WFS1: variants seen among roughly 807,000 people sequenced by gnomAD.
WFS1 encodes wolframin ER transmembrane glycoprotein.
A neutral mutation model predicts 68.5 loss-of-function variants in WFS1; 90 were observed. That is an observed-to-expected ratio of 1.31 (90% CI 1.11 to 1.56). WFS1 has a LOEUF of 1.56. WFS1 is among the 40% of genes most tolerant of loss of function. WFS1 has a pLI of 0.00. For synonymous variants in WFS1, 860 were observed against 540.7 expected, an observed-to-expected ratio of 1.59 and a Z score of -8.19; for missense variants, 1,767 against 1,232.6, an observed-to-expected ratio of 1.43 and a Z score of -6.49.
chr4:6,273,897 A>T (rs552906041), intron 1 of WFS1, among the ~76,000 whole-genome samples: 3 of 152,236 alleles, frequency 2.0e-5, no homozygotes, highest in African/African-American at 7.2e-5. Context: ...TTTACTTTAA[A>T]CAGTTTTTTT....
chr4:6,274,614 G>C (rs114998580), intron 1 of WFS1, among the ~76,000 whole-genome samples: 1 of 152,074 alleles, frequency 6.6e-6, no homozygotes, highest in African/African-American at 2.4e-5. Flanking sequence ...ACAGGGACTC[G>C]GGACAGACAT....
At position 6,302,174 on chromosome 4, in the gene WFS1, C is replaced by T. The variant is rs563113081; in HGVS notation, c.2379C>T (p.Arg793=). Residue 793 remains arginine, a synonymous_variant, in exon 8 of 8, where the codon CGC becomes CGT. Coordinates refer to ENST00000226760, the MANE Select transcript of WFS1 (RefSeq NM_006005.3). ...FSSGADGSRS[R]EEDDVTKDIV... ...GCGGCGCTGACGGCTCGCGCAGCCG[C>T]GAGGAGGACGACGTCACCAAGGACA... The T allele has an allele frequency of 2.1e-5, 34 of 1,612,620 alleles. No homozygotes were observed. The highest frequency in any genetic ancestry group is 3.3e-4 in the Middle Eastern group (2 of 6,060).
Position 6,300,943 on chromosome 4 carries a change from G to T in WFS1, c.1148G>T (p.Arg383Leu), listed in dbSNP as rs369450642. Reference protein sequence around the residue: ...NFRTLTDLLLRFEPNLDVEQA... With the variant: ...NFRTLTDLLLLFEPNLDVEQA... ...CGCACCCTCACCGACCTGCTGCTGC[G>T]CTTCGAGCCCAACCTGGATGTGGAG... The change falls in exon 8 of 8, where the codon CGC becomes CTC. Residue 383 changes from arginine (R) to leucine (L), a missense_variant. Arg to Leu is a moderately radical substitution (Grantham distance 102). Transcript: ENST00000226760. 3 of 1,613,982 alleles carry T rather than the reference G, an allele frequency of 1.9e-6. No individual in the cohort carries two copies. Among genetic ancestry groups the T allele is most frequent in the Non-Finnish European group, 2.5e-6 (3 of 1,180,008 alleles).
rs571928866 is a variant in WFS1, at chr4:6,300,677, C to A, written c.882C>A (p.His294Gln). Reference sequence around the variant, plus strand: ...CCCAGGTGGTCAAGTACCCCCTGCACGCCATCATGGAGATCAAGGAGTACC... The same window carrying A: ...CCCAGGTGGTCAAGTACCCCCTGCAAGCCATCATGGAGATCAAGGAGTACC... The part of the protein sequence containing the change: ...LRLKVVKYPL[H>Q]AIMEIKEYLI... The change falls in exon 8 of 8, where the codon CAC becomes CAA. Residue 294 changes from histidine (H) to glutamine (Q), a missense_variant. Transcript: ENST00000226760. 1 of 1,614,020 alleles carries A rather than the reference C, an allele frequency of 6.2e-7. No homozygotes were observed. The highest frequency in any genetic ancestry group is 1.3e-5 in the African/African-American group (1 of 74,992).
intron 7 of WFS1, among the ~76,000 whole-genome samples, chr4:6,296,163 T>G (rs1409143505): frequency 6.6e-6 from 1 of 152,152 alleles, no homozygotes. Context: ...GGCAGCAGGC[T>G]GAAAGGTCAC....
At chr4:6,286,524 TTTTG>T (rs1560407123) in intron 2 of WFS1, among the ~76,000 whole-genome samples, 2 of 152,192 alleles carry the variant, frequency 1.3e-5, no homozygotes, top group Non-Finnish European at 2.9e-5. Context: ...GTATTAATAT[TTTTG>T]TTATAACAGC....
In WFS1 at chr4:6,283,803, C is replaced by T. The variant is rs1055042879; in HGVS notation, c.233-3290C>T. ...CATGAGGACTGAGAGTGGCGGGGTT[C>T]CCCAAAAGGGACATCAAGGTGCAGT... On this transcript the variant is annotated intron_variant, in intron 2 of 7. Transcript: ENST00000226760. This position sits in a 1 kb window ranked among gnomAD's most constrained non-coding sequence, Gnocchi z 5.0. 4.0e-5 allele frequency among the ~76,000 whole-genome samples: 6 copies of T among 151,850 alleles called. No homozygotes were observed. Among genetic ancestry groups the T allele is most frequent in the African/African-American group, 1.5e-4 (6 of 41,330 alleles).
rs140306207 is a variant in WFS1 at position 6,300,881 on chromosome 4, C to G, written c.1086C>G (p.Leu362=). The G allele has an allele frequency of 1.9e-6, 3 of 1,614,038 alleles. No individual in the cohort carries two copies. Among genetic ancestry groups the G allele is most frequent in the African/African-American group, 2.7e-5 (2 of 74,910 alleles). The stretch of plus-strand genomic sequence containing the variant: ...TCATCTCCATGGTGATCTGCACCCT[C>G]AAGGTGTTCCAGGACAGCAAGGCCT... ...LSFISMVICT[L]KVFQDSKAWE... The change falls in exon 8 of 8, where the codon CTC becomes CTG. Residue 362 remains leucine, a synonymous_variant. Coordinates refer to ENST00000226760, the MANE Select transcript of WFS1 (RefSeq NM_006005.3).
At chr4:6,293,491 G>A (rs1352929352) in intron 6 of WFS1, among the ~76,000 whole-genome samples, 3 of 150,794 alleles carry the variant, frequency 2.0e-5, no homozygotes, top group Admixed American at 6.6e-5. Flanking sequence ...CCTCTGCCAT[G>A]TTATTCCACC....
chr4:6,298,802 G>A (rs1322465309), intron 7 of WFS1, among the ~76,000 whole-genome samples: 1 of 152,246 alleles, frequency 6.6e-6, no homozygotes, highest in Non-Finnish European at 1.5e-5. Context: ...TTCTGGTGTT[G>A]TCACCTAGTT....
rs138232538 is a variant in WFS1, at chr4:6,301,349, G to A, written c.1554G>A (p.Met518Ile). ...ACCTGCTCTATCTCTTCTTCCGCAT[G>A]GCACAGCTGAGGAATTTCAAGGGCA... ...YVYLLYLFFR[M>I]AQLRNFKGTY... The change falls in exon 8 of 8, where the codon ATG (methionine) becomes ATA (isoleucine). Residue 518 changes from methionine to isoleucine, a missense_variant. By Grantham distance (10) the Met-to-Ile change is conservative (BLOSUM62 1). Coordinates refer to ENST00000226760, the MANE Select transcript of WFS1 (RefSeq NM_006005.3). 574 of 1,612,304 alleles carry A rather than the reference G, an allele frequency of 3.6e-4. No homozygotes were observed. The African/African-American group carries it at 6.7e-3, about 19-fold the overall frequency.
chr4:6,299,031 GT>G (rs1730743043), intron 7 of WFS1, among the ~76,000 whole-genome samples: 1 of 152,244 alleles, frequency 6.6e-6, no homozygotes, highest in Admixed American at 6.5e-5. Flanking sequence ...CCTGGTGTTG[GT>G]CCAGGCCCCT....
At chr4:6,294,598 T>C (rs112774822) in intron 6 of WFS1, among the ~76,000 whole-genome samples, 1,531 of 152,182 alleles carry the variant, frequency 0.01, 11 homozygotes, top group South Asian at 0.057. Flanking sequence ...TCATGTTCGA[T>C]GGAGCGGTTG....
intron 7 of WFS1, 67 bp from the exon 8 acceptor site, chr4:6,300,590 G>A: frequency 6.2e-7 from 1 of 1,606,950 alleles, no homozygotes; most frequent in Non-Finnish European, 8.5e-7. Flanking sequence ...TGGTCAGAGG[G>A]AGGCGTGAGA....
At chr4:6,292,407 A>T (rs12505929) in intron 6 of WFS1, among the ~76,000 whole-genome samples, 2 of 150,506 alleles carry the variant, frequency 1.3e-5, no homozygotes. Context: ...GCAAAGGCCC[A>T]GGAGACCCAG....
chr4:6,301,212 T>C lies in WFS1; in HGVS notation c.1417T>C (p.Ser473Pro). The change falls in exon 8 of 8, where the codon TCC becomes CCC. Residue 473 changes from serine to proline, a missense_variant. Coordinates refer to ENST00000226760, the MANE Select transcript of WFS1 (RefSeq NM_006005.3). Reference protein sequence around the residue: ...VTAGLLSLLPSMPLNWPYLKV... With the variant: ...VTAGLLSLLPPMPLNWPYLKV... ...CGCCGGCCTGCTATCGCTGCTGCCC[T>C]CCATGCCCTTGAATTGGCCCTACCT... 1 of 1,612,090 alleles carries C rather than the reference T, an allele frequency of 6.2e-7. No homozygotes were observed. Among genetic ancestry groups the C allele is most frequent in the Non-Finnish European group, 8.5e-7 (1 of 1,179,988 alleles).
intron 2 of WFS1, among the ~76,000 whole-genome samples, chr4:6,281,090 A>G (rs1578588719): frequency 1.3e-5 from 2 of 152,194 alleles, no homozygotes; most frequent in South Asian, 2.1e-4. Flanking sequence ...CCTCCCAGCC[A>G]TTGGGGGTAG....
At position 6,299,015 on chromosome 4, in the gene WFS1, CCACTTCCTGGTGTT is replaced by C. The variant is rs556365946; in HGVS notation, c.862-1641_862-1628del. Among the ~76,000 whole-genome samples, 8 of 152,362 alleles carry C rather than the reference CCACTTCCTGGTGTT, an allele frequency of 5.3e-5. No homozygotes were observed. In the South Asian group the frequency reaches 1.7e-3, roughly 32 times the overall value. On this transcript the variant is annotated intron_variant, in intron 7 of 7. Transcript: ENST00000226760. ...CCATGTGGGGCCGCCCCCTAGGCGTCCACTTCCTGGTGTTGGTCCAGGCCCCTGGCACTTCTGAA... is the reference window on the plus strand; with the variant it reads ...CCATGTGGGGCCGCCCCCTAGGCGTCGGTCCAGGCCCCTGGCACTTCTGAA...
intron 3 of WFS1, 37 bp from the exon 4 acceptor site, chr4:6,288,950 C>G (rs4688990): frequency 6.3e-7 from 1 of 1,599,510 alleles, no homozygotes; most frequent in African/African-American, 1.3e-5. Flanking sequence ...GGGAGAGGGT[C>G]GGAGAATCTG....
Sources: gnomAD v4.1 joint callset for allele counts (sites outside exome capture counted in the v4.1 genomes callset) on GRCh38, gnomAD v4.1.1 for gene constraint, Gnocchi (gnomAD v3.1) non-coding constraint, MANE v1.5 for transcripts, NCBI Gene and HGNC (gene_info 2026-07-23, HGNC 2026-07-21) for gene names.